WNK1: variants seen among roughly 807,000 people sequenced by gnomAD.
WNK1 encodes serine/threonine-protein kinase WNK1.
A neutral mutation model predicts 222.8 loss-of-function variants in WNK1; 38 were observed. That is an observed-to-expected ratio of 0.17 (90% confidence interval 0.13 to 0.22). The LOEUF is 0.22. WNK1 is among the 10% of genes least tolerant of loss of function. The pLI, the probability that WNK1 is intolerant of heterozygous loss-of-function variation, is 1.00. For missense variants in WNK1, 2,348 were observed against 2,918.4 expected (o/e 0.80, Z 4.50); for synonymous variants, 1,090 against 1,092.9 (o/e 1.00, Z 0.05).
rs1956051188 is a variant in WNK1 at position 911,106 on chromosome 12, G to GTTGA, written c.*2317_*2320dup. ...AAAGTCAGAACTGGTGTTATTTACT[G>GTTGA]TTGATTTCATCCTCCTGTGTATGAA... On this transcript the variant is annotated 3_prime_UTR_variant, in exon 28 of 28. Transcript: ENST00000315939. The GTTGA allele has an allele frequency of 5.1e-6, 2 of 393,858 alleles. No homozygotes were observed. The highest frequency in any genetic ancestry group is 8.9e-6 in the Non-Finnish European group (2 of 223,858). 24.4% of individuals were successfully genotyped at this position (393,858 alleles called of 1,614,324 possible).
intron 2 of WNK1, among the ~76,000 whole-genome samples, chr12:815,301 G>C (rs1847378524): frequency 6.6e-6 from 1 of 152,130 alleles, no homozygotes; most frequent in South Asian, 2.1e-4. Flanking sequence ...AATTATCACT[G>C]TGGCATATAT....
rs761069376 is a variant in WNK1 at position 910,380 on chromosome 12, A to C, written c.*1588A>C. The stretch of plus-strand genomic sequence containing the variant: ...GATGTCCAAATGGTTGCAGGATCAT[A>C]ATCTATTGTGCCACCTTTATTTCTA... On this transcript the variant is annotated 3_prime_UTR_variant, in exon 28 of 28. Coordinates refer to ENST00000315939, the MANE Select transcript of WNK1 (RefSeq NM_018979.4). 1 of 152,206 alleles carries C rather than the reference A, an allele frequency of 6.6e-6. No individual in the cohort carries two copies. The highest frequency in any genetic ancestry group is 2.4e-5 in the African/African-American group (1 of 41,450). The allele number at this position is 152,206 out of a possible 1,614,324, so 9.4% of individuals were successfully genotyped here.
chr12:885,640 T>A lies in WNK1; in HGVS notation c.4836T>A (p.Ala1612=). The A allele has an allele frequency of 6.2e-7, 1 of 1,614,200 alleles. No individual in the cohort carries two copies. Among genetic ancestry groups the A allele is most frequent in the Non-Finnish European group, 8.5e-7 (1 of 1,180,032 alleles). The change falls in exon 19 of 28, where the codon GCT becomes GCA. Residue 1612 remains alanine (A), a synonymous_variant. Coordinates refer to ENST00000315939, the MANE Select transcript of WNK1 (RefSeq NM_018979.4). ...PLVQPVANVP[A]VQQTLIHSQP... is the part of the protein sequence containing the mutation. ...TACAGCCTGTTGCCAATGTGCCTGC[T>A]GTACAGCAGACACTAATTCATAGTC...
intron 9 of WNK1, among the ~76,000 whole-genome samples, chr12:872,790 G>A (rs1435022493): frequency 6.6e-6 from 1 of 152,114 alleles, no homozygotes; most frequent in Non-Finnish European, 1.5e-5. Flanking sequence ...ATTACAAATG[G>A]CCCTTTTTCA....
intron 1 of WNK1, among the ~76,000 whole-genome samples, chr12:759,391 C>T (rs1305865233): frequency 2.7e-5 from 4 of 147,008 alleles, no homozygotes; most frequent in African/African-American, 4.9e-5. Flanking sequence ...AGTACAGTGG[C>T]GCGATCTCGG....
intron 27 of WNK1, 42 bp from the exon 28 acceptor site, chr12:908,433 A>G (rs371130678): frequency 6.3e-5 from 100 of 1,599,438 alleles, no homozygotes; most frequent in Admixed American, 5.8e-4. Context: ...ATTTTATACC[A>G]TGGCCCACAC....
rs961685252 is a variant in WNK1 at position 901,211 on chromosome 12, G to A, written c.6643+541G>A. The A allele has an allele frequency of 1.8e-5, 4 of 224,842 alleles. 1 individual carries two copies. In the South Asian group the frequency reaches 1.9e-4, roughly 11 times the overall value. The allele number at this position is 224,842 out of a possible 1,614,324, so 13.9% of individuals were successfully genotyped here. A position where few individuals can be genotyped will look rare whatever the true frequency, so the allele number is the denominator to read the frequency against. ...TAGAACAAGAATTGAAAAGACTTGG[G>A]CATCTGGGTGAGAAGAATGAAAAAA... On this transcript the variant is annotated intron_variant, in intron 26 of 27. Coordinates refer to ENST00000315939, the MANE Select transcript of WNK1 (RefSeq NM_018979.4).
At chr12:755,415 C>T (rs1380867602) in intron 1 of WNK1, among the ~76,000 whole-genome samples, 1 of 152,088 alleles carries the variant, frequency 6.6e-6, no homozygotes, top group Non-Finnish European at 1.5e-5. Flanking sequence ...AACACGTAAC[C>T]CTTTGAATGT....
intron 1 of WNK1, among the ~76,000 whole-genome samples, chr12:763,700 A>G (rs1242019511): frequency 6.8e-6 from 1 of 147,654 alleles, no homozygotes. Context: ...TAGTTAGGAT[A>G]TGAGTGTGAG....
intron 2 of WNK1, among the ~76,000 whole-genome samples, chr12:821,408 T>G (rs1177865264): frequency 1.3e-5 from 2 of 152,244 alleles, no homozygotes; most frequent in Admixed American, 6.5e-5. Flanking sequence ...TTAATTCTCC[T>G]GTAAATGTTT....
chr12:872,218 C>T (rs1952216173), intron 9 of WNK1, among the ~76,000 whole-genome samples: 2 of 152,168 alleles, frequency 1.3e-5, no homozygotes, highest in Non-Finnish European at 2.9e-5. Flanking sequence ...TTCCATCTCC[C>T]AGGTTCAAGC....
chr12:883,153 T>C, intron 15 of WNK1, 94 bp downstream of exon 15: 1 of 1,074,064 alleles, frequency 9.3e-7, no homozygotes. Flanking sequence ...TAATCCATGT[T>C]TTTTTAAAGT....
intron 4 of WNK1, among the ~76,000 whole-genome samples, chr12:849,413 T>C (rs1950255829): frequency 1.3e-5 from 2 of 152,180 alleles, no homozygotes; most frequent in Admixed American, 1.3e-4. Context: ...GTTAATGCCC[T>C]GAAGAAAAAC....
intron 1 of WNK1, among the ~76,000 whole-genome samples, chr12:759,353 CAG>C: frequency 6.8e-6 from 1 of 146,906 alleles, no homozygotes; most frequent in Non-Finnish European, 1.5e-5. Context: ...GTTTTTGAGA[CAG>C]AGTCTCACTC....
At chr12:870,055 TAGA>T (rs1367263360) in intron 8 of WNK1, among the ~76,000 whole-genome samples, 1 of 152,232 alleles carries the variant, frequency 6.6e-6, no homozygotes, top group Non-Finnish European at 1.5e-5. Flanking sequence ...AAAATCTACA[TAGA>T]AGACTATGCA....
chr12:829,624 T>C (rs1948640237), intron 3 of WNK1, among the ~76,000 whole-genome samples: 1 of 152,212 alleles, frequency 6.6e-6, no homozygotes, highest in South Asian at 2.1e-4. Flanking sequence ...TGTACCATTA[T>C]ATTTGCTTTG....
intron 8 of WNK1, among the ~76,000 whole-genome samples, chr12:863,113 G>A (rs994541301): frequency 1.3e-5 from 2 of 152,190 alleles, no homozygotes; most frequent in Non-Finnish European, 2.9e-5. Context: ...ACTTGTCACT[G>A]TACAGCACTT....
At chr12:833,365 T>C (rs981737736) in intron 4 of WNK1, among the ~76,000 whole-genome samples, 3 of 152,240 alleles carry the variant, frequency 2.0e-5, no homozygotes, top group African/African-American at 7.2e-5. Context: ...TTTGCTGATA[T>C]CAGAGCAAGT....
intron 22 of WNK1, among the ~76,000 whole-genome samples, chr12:891,208 G>A (rs1295549754): frequency 2.0e-5 from 3 of 152,062 alleles, no homozygotes; most frequent in East Asian, 1.9e-4. Context: ...GCATCATCTC[G>A]ACTCATTGCA....
Sources: allele counts gnomAD v4.1 joint callset (sites outside exome capture counted in the v4.1 genomes callset), GRCh38; gene constraint gnomAD v4.1.1; transcripts MANE v1.5; gene names NCBI Gene and HGNC (gene_info 2026-07-23, HGNC 2026-07-21).